The following PRKD1 variants were observed in gnomAD, a reference collection of about 807,000 sequenced individuals.
PRKD1 encodes the protein protein kinase D1, also known as serine/threonine-protein kinase D1.
PRKD1 carries 63 observed loss-of-function variants against 95.9 expected under a neutral mutation model. The observed-to-expected ratio is 0.66, with a 90% CI of 0.54 to 0.81. PRKD1 has a LOEUF of 0.81. Among genes scored for constraint, PRKD1 ranks in the 30% least tolerant of loss-of-function variants. PRKD1 has a pLI of 0.00. For synonymous variants in PRKD1, 425 were observed against 423.1 expected, an observed-to-expected ratio of 1.00 and a Z score of -0.05; for missense variants, 1,048 against 1,165.3, an observed-to-expected ratio of 0.90 and a Z score of 1.47.
At position 29,625,304 on chromosome 14, in the gene PRKD1, C is replaced by T. The variant is rs115687207; in HGVS notation, c.1799-1046G>A. ...GGCCATGACTTCTTTCATCTCTACT[C>T]CTCCGTCACTGTAGTACTTGACCTC... On this transcript the variant is annotated intron_variant, in intron 12 of 17. Transcript: ENST00000331968. 3.7e-3 allele frequency among the ~76,000 whole-genome samples: 568 copies of T among 152,264 alleles called. 3 individuals carry two copies. Among genetic ancestry groups the T allele is most frequent in the African/African-American group, 0.013 (534 of 41,546 alleles).
chr14:29,892,587 C>T (rs1893977995), intron 1 of PRKD1, among the ~76,000 whole-genome samples: 1 of 152,180 alleles, frequency 6.6e-6, no homozygotes, highest in Non-Finnish European at 1.5e-5. Flanking sequence ...ATCTAGCCTC[C>T]TCTCACATAC....
intron 1 of PRKD1, among the ~76,000 whole-genome samples, chr14:29,783,907 G>A (rs942653270): frequency 4.6e-5 from 7 of 152,180 alleles, no homozygotes; most frequent in African/African-American, 1.4e-4. Flanking sequence ...TGAATAGTTA[G>A]TGAATATTTT....
chr14:29,700,786 T>C (rs571929793), intron 2 of PRKD1, among the ~76,000 whole-genome samples: 1 of 152,244 alleles, frequency 6.6e-6, no homozygotes, highest in South Asian at 2.1e-4. Context: ...TGACCTCCCC[T>C]GAAGAAGAGG....
chr14:29,656,644 A>G, intron 4 of PRKD1: 2 of 857,344 alleles, frequency 2.3e-6, no homozygotes, highest in South Asian at 3.2e-5. Context: ...AAAAAGCAAA[A>G]TGTTATACTA....
chr14:29,582,560 T>C (rs17091467), intron 16 of PRKD1, among the ~76,000 whole-genome samples: 7,207 of 152,258 alleles, frequency 0.047, 191 homozygotes, highest in Admixed American at 0.066. Context: ...ATAGCTGCTA[T>C]TGAGTGCACT....
chr14:29,612,183 C>T (rs1280811477), intron 13 of PRKD1, among the ~76,000 whole-genome samples: 1 of 152,164 alleles, frequency 6.6e-6, no homozygotes, highest in Admixed American at 6.5e-5. Flanking sequence ...TAATACCTTA[C>T]ATCTGTATAA....
intron 7 of PRKD1, among the ~76,000 whole-genome samples, chr14:29,635,140 T>A (rs1880284689): frequency 1.3e-5 from 2 of 152,234 alleles, no homozygotes; most frequent in Non-Finnish European, 2.9e-5. Flanking sequence ...CTTCTTAGTC[T>A]ACTGAGGCCA....
intron 13 of PRKD1, among the ~76,000 whole-genome samples, chr14:29,604,093 G>A (rs114469287): frequency 0.012 from 1,861 of 152,200 alleles, 38 homozygotes; most frequent in African/African-American, 0.043. Context: ...TTTTATAAAA[G>A]TAATATCTCA....
chr14:29,864,009 G>A (rs546878319), intron 1 of PRKD1, among the ~76,000 whole-genome samples: 10 of 151,998 alleles, frequency 6.6e-5, no homozygotes, highest in South Asian at 2.1e-4. Flanking sequence ...TATTGTGTGC[G>A]GTAAAAATGC....
intron 1 of PRKD1, among the ~76,000 whole-genome samples, chr14:29,763,679 G>A (rs964147215): frequency 6.6e-6 from 1 of 152,102 alleles, no homozygotes; most frequent in Non-Finnish European, 1.5e-5. Context: ...GATGTTCAAA[G>A]TAACTGAGGA....
At chr14:29,921,381 T>G (rs747934531) in intron 1 of PRKD1, among the ~76,000 whole-genome samples, 2 of 151,414 alleles carry the variant, frequency 1.3e-5, no homozygotes, top group Non-Finnish European at 2.9e-5. Flanking sequence ...TAATTATATA[T>G]TGATATAAGA....
intron 1 of PRKD1, among the ~76,000 whole-genome samples, chr14:29,798,014 G>T (rs1168174880): frequency 6.6e-6 from 1 of 152,112 alleles, no homozygotes; most frequent in Admixed American, 6.5e-5. Flanking sequence ...ACTACATATT[G>T]AAACTTAAGG....
intron 1 of PRKD1, among the ~76,000 whole-genome samples, chr14:29,801,409 G>C (rs2139218580): frequency 6.6e-6 from 1 of 152,256 alleles, no homozygotes; most frequent in East Asian, 1.9e-4. Flanking sequence ...AGCCATCACA[G>C]TACCTTAAAC....
At chr14:29,725,892 G>A (rs1886117041) in intron 1 of PRKD1, among the ~76,000 whole-genome samples, 1 of 152,098 alleles carries the variant, frequency 6.6e-6, no homozygotes, top group South Asian at 2.1e-4. Flanking sequence ...GGGCAGTAAT[G>A]GTCAAGTGGT....
At chr14:29,784,101 A>T (rs1249945887) in intron 1 of PRKD1, among the ~76,000 whole-genome samples, 1 of 152,086 alleles carries the variant, frequency 6.6e-6, no homozygotes, top group African/African-American at 2.4e-5. Context: ...TTATAGTTTC[A>T]GGTCTTATAT....
intron 1 of PRKD1, among the ~76,000 whole-genome samples, chr14:29,783,074 A>C (rs1336554186): frequency 6.6e-6 from 1 of 152,170 alleles, no homozygotes; most frequent in Non-Finnish European, 1.5e-5. Flanking sequence ...TAGTCATCCT[A>C]CTGTGCTACT....
intron 2 of PRKD1, among the ~76,000 whole-genome samples, chr14:29,669,986 G>C (rs997782329): frequency 6.6e-6 from 1 of 152,192 alleles, no homozygotes; most frequent in Non-Finnish European, 1.5e-5. Flanking sequence ...TCAGTTTATT[G>C]CATTTGTGAA....
intron 1 of PRKD1, among the ~76,000 whole-genome samples, chr14:29,772,662 G>T (rs560398549): frequency 6.6e-6 from 1 of 152,020 alleles, no homozygotes; most frequent in East Asian, 1.9e-4. Context: ...GCAAAGCTCT[G>T]CCTAACATAA....
chr14:29,829,816 A>G (rs1433050214), intron 1 of PRKD1, among the ~76,000 whole-genome samples: 1 of 152,228 alleles, frequency 6.6e-6, no homozygotes, highest in East Asian at 1.9e-4. Flanking sequence ...ATTTACTGCT[A>G]AAATATTTCT....
Sources: gnomAD v4.1 joint callset for allele counts (sites outside exome capture counted in the v4.1 genomes callset) on GRCh38, gnomAD v4.1.1 for gene constraint, MANE v1.5 for transcripts, NCBI Gene and HGNC (gene_info 2026-07-23, HGNC 2026-07-21) for gene names.